Variants in PAPPA observed in about 807,000 individuals in gnomAD.
PAPPA encodes the protein pappalysin 1, also known as pappalysin-1.
In PAPPA, 60 loss-of-function variants were observed where a neutral mutation model predicts 164.0. The observed-to-expected ratio is 0.37, with a 90% CI of 0.30 to 0.45. PAPPA has a LOEUF of 0.45. Among genes scored for constraint, PAPPA ranks in the 20% least tolerant of loss-of-function variants. PAPPA has a pLI of 1.00. For missense variants in PAPPA, 1,782 were observed against 2,087.3 expected (o/e 0.85, Z 2.85); for synonymous variants, 875 against 814.1 (o/e 1.07, Z -1.27).
intron 1 of PAPPA, among the ~76,000 whole-genome samples, chr9:116,184,511 C>G (rs1401436131): frequency 1.3e-5 from 2 of 152,246 alleles, no homozygotes; most frequent in East Asian, 3.9e-4. Context: ...CACCCCTGAA[C>G]CCTCCAGCAT....
At chr9:116,333,440 C>T (rs1053871081) in intron 12 of PAPPA, among the ~76,000 whole-genome samples, 2 of 152,130 alleles carry the variant, frequency 1.3e-5, no homozygotes, top group South Asian at 2.1e-4. Flanking sequence ...CCTGGATACT[C>T]CAAGTATTTG....
At chr9:116,335,204 T>C (rs1236895493) in intron 13 of PAPPA, 130 bp downstream of exon 13, 13 of 738,288 alleles carry the variant, frequency 1.8e-5, no homozygotes, top group Non-Finnish European at 2.5e-5. Context: ...ATCCATCCTC[T>C]GGCCTCTGGC....
At chr9:116,284,545 CTTTTTTTTTT>C (rs61248033) in intron 9 of PAPPA, among the ~76,000 whole-genome samples, 4 of 88,268 alleles carry the variant, frequency 4.5e-5, no homozygotes, top group South Asian at 1.1e-3. Context: ...TAGTCTGGGC[CTTTTTTTTTT>C]TTTTTTTTTT....
chr9:116,281,481 A>G (rs1845266403), intron 9 of PAPPA, among the ~76,000 whole-genome samples: 1 of 152,134 alleles, frequency 6.6e-6, no homozygotes, highest in Non-Finnish European at 1.5e-5. Context: ...CGAGCCAATC[A>G]TTGAGACACT....
intron 19 of PAPPA, among the ~76,000 whole-genome samples, chr9:116,368,053 C>G (rs1846525042): frequency 1.3e-5 from 2 of 152,162 alleles, no homozygotes; most frequent in African/African-American, 4.8e-5. Flanking sequence ...TAAACTGAGG[C>G]ACCAATAACA....
At chr9:116,294,980 C>G (rs1345669057) in intron 9 of PAPPA, among the ~76,000 whole-genome samples, 1 of 152,142 alleles carries the variant, frequency 6.6e-6, no homozygotes, top group African/African-American at 2.4e-5. Context: ...GAAGGAGGTT[C>G]ATTTCAGAAG....
intron 2 of PAPPA, among the ~76,000 whole-genome samples, chr9:116,199,909 A>G (rs1844152209): frequency 6.6e-6 from 1 of 151,842 alleles, no homozygotes; most frequent in African/African-American, 2.4e-5. Flanking sequence ...GAGACGATAG[A>G]GTCTTTTTAA....
intron 7 of PAPPA, among the ~76,000 whole-genome samples, chr9:116,241,886 G>A (rs925303684): frequency 2.0e-5 from 3 of 151,454 alleles, no homozygotes; most frequent in Admixed American, 6.6e-5. Flanking sequence ...TTTTTCCTAA[G>A]CCTCATTTCT....
At chr9:116,205,471 T>C (rs1844223695) in intron 2 of PAPPA, among the ~76,000 whole-genome samples, 1 of 152,154 alleles carries the variant, frequency 6.6e-6, no homozygotes, top group African/African-American at 2.4e-5. Flanking sequence ...TAATAAATTA[T>C]GTGGAAAGGG....
chr9:116,178,533 T>C (rs1264061163), intron 1 of PAPPA, among the ~76,000 whole-genome samples: 1 of 152,234 alleles, frequency 6.6e-6, no homozygotes, highest in African/African-American at 2.4e-5. Flanking sequence ...AAGTACTTAT[T>C]ATTATCAGTT....
chr9:116,193,988 G>C (rs936683352), intron 2 of PAPPA, among the ~76,000 whole-genome samples: 2 of 152,228 alleles, frequency 1.3e-5, no homozygotes, highest in Non-Finnish European at 2.9e-5. Context: ...GAAAAGAGCT[G>C]GTGGGCTGGC....
chr9:116,294,884 A>G (rs74647420), intron 9 of PAPPA, among the ~76,000 whole-genome samples: 2 of 152,364 alleles, frequency 1.3e-5, no homozygotes, highest in East Asian at 3.9e-4. Flanking sequence ...TTAGCTAGAA[A>G]TAGAAATAGA....
Position 116,187,432 on chromosome 9 carries a change from A to G in PAPPA, c.694A>G (p.Thr232Ala), listed in dbSNP as rs996794690. The G allele has an allele frequency of 6.2e-7, 1 of 1,614,154 alleles. No individual in the cohort carries two copies. Reference sequence around the variant, plus strand: ...AGTGGGTGGCATATTCAGCCCACTGACCCAGAAGTGCAAAGTGCTCATGTT... The same window carrying G: ...AGTGGGTGGCATATTCAGCCCACTGGCCCAGAAGTGCAAAGTGCTCATGTT... Reference protein sequence around the residue: ...EQVGGIFSPLTQKCKVLMLGG... With the variant: ...EQVGGIFSPLAQKCKVLMLGG... The change falls in exon 2 of 22, where the codon ACC becomes GCC. Residue 232 changes from threonine (T) to alanine (A), a missense_variant. Thr to Ala is a moderately conservative substitution (Grantham distance 58, BLOSUM62 0). Coordinates refer to ENST00000328252, the MANE Select transcript of PAPPA (RefSeq NM_002581.5). This position sits in a 1 kb window ranked among gnomAD's most constrained non-coding sequence, Gnocchi z 4.2.
intron 9 of PAPPA, among the ~76,000 whole-genome samples, chr9:116,296,000 C>G (rs1158869266): frequency 6.6e-6 from 1 of 152,218 alleles, no homozygotes; most frequent in East Asian, 1.9e-4. Flanking sequence ...CAATAGCCCT[C>G]ACTCCTAAAA....
At chr9:116,326,542 A>G (rs960873786) in intron 10 of PAPPA, among the ~76,000 whole-genome samples, 1 of 152,190 alleles carries the variant, frequency 6.6e-6, no homozygotes, top group Non-Finnish European at 1.5e-5. Flanking sequence ...GAATGTCAAC[A>G]TTTTAGTCAT....
At chr9:116,232,165 C>T (rs913385246) in intron 6 of PAPPA, among the ~76,000 whole-genome samples, 1 of 152,108 alleles carries the variant, frequency 6.6e-6, no homozygotes, top group Non-Finnish European at 1.5e-5. Flanking sequence ...ATGTAGTATA[C>T]AAGCCACTTC....
At chr9:116,256,995 G>C (rs1844935803) in intron 7 of PAPPA, among the ~76,000 whole-genome samples, 1 of 148,150 alleles carries the variant, frequency 6.7e-6, no homozygotes, top group African/African-American at 2.6e-5. Flanking sequence ...ATCAGTATCA[G>C]ATAGAACATA....
chr9:116,253,679 C>CATCACTCAGTGGAAAAAACTGTGTGT, intron 7 of PAPPA, among the ~76,000 whole-genome samples: 1 of 152,110 alleles, frequency 6.6e-6, no homozygotes, highest in Non-Finnish European at 1.5e-5. Flanking sequence ...CATACATAGT[C>CATCACTCAGTGGAAAAAACTGTGTGT]ATCACTCAGT....
At chr9:116,336,226 T>G (rs950441691) in intron 13 of PAPPA, among the ~76,000 whole-genome samples, 8 of 151,146 alleles carry the variant, frequency 5.3e-5, no homozygotes, top group African/African-American at 1.9e-4. Context: ...TTGCCCTGTA[T>G]ACCTGGGGGC....
Sources: allele counts gnomAD v4.1 joint callset (sites outside exome capture counted in the v4.1 genomes callset), GRCh38; gene constraint gnomAD v4.1.1; non-coding constraint Gnocchi (gnomAD v3.1); transcripts MANE v1.5; gene names NCBI Gene and HGNC (gene_info 2026-07-23, HGNC 2026-07-21).